Variants in ANAPC1 observed in about 807,000 individuals in gnomAD.
The protein encoded by ANAPC1 is anaphase promoting complex subunit 1, also known as anaphase-promoting complex subunit 1.
Under a neutral mutation model 208.0 loss-of-function variants are expected in ANAPC1, and 36 were observed. The observed-to-expected ratio is 0.17, with a 90% confidence interval of 0.13 to 0.23. The LOEUF is 0.23. Ranked by LOEUF, ANAPC1 falls within the 10% of genes least tolerant of loss-of-function variation. The pLI is 1.00. For missense variants in ANAPC1, 942 were observed against 2,011.6 expected, an observed-to-expected ratio of 0.47 and a Z score of 10.17; for synonymous variants, 378 against 695.2, an observed-to-expected ratio of 0.54 and a Z score of 7.18.
At chr2:111,842,369 C>T (rs900023825) in intron 17 of ANAPC1, among the ~76,000 whole-genome samples, 5 of 152,034 alleles carry the variant, frequency 3.3e-5, no homozygotes, top group African/African-American at 9.7e-5. Flanking sequence ...GCTGGCCAGG[C>T]GCAGTGGCTC....
intron 27 of ANAPC1, among the ~76,000 whole-genome samples, chr2:111,818,499 T>C (rs1456463309): frequency 1.3e-5 from 2 of 150,422 alleles, no homozygotes; most frequent in Non-Finnish European, 3.0e-5. Flanking sequence ...ACGTAAGACA[T>C]TTTAAAACTA....
At position 111,769,498 on chromosome 2, in the gene ANAPC1, TA is replaced by T. The variant is rs1460931311; in HGVS notation, c.5720-93del. ...GAAGCTTCAGAAACACAATCATGTT[TA>T]AAACAGGCATTTTTCCCTTTGAAAA... On this transcript the variant is annotated intron_variant, in intron 47 of 47. Transcript: ENST00000341068. 4 of 611,464 alleles carry T rather than the reference TA, an allele frequency of 6.5e-6. No homozygotes were observed. In the African/African-American group the frequency reaches 7.5e-5, roughly 11 times the overall value. 37.9% of individuals were successfully genotyped at this position (611,464 alleles called of 1,614,324 possible).
At chr2:111,859,187 A>G (rs1681914029) in intron 10 of ANAPC1, among the ~76,000 whole-genome samples, 1 of 152,196 alleles carries the variant, frequency 6.6e-6, no homozygotes, top group South Asian at 2.1e-4. Flanking sequence ...CCTTCCTTCT[A>G]AAGTGCTACA....
At chr2:111,801,114 T>C (rs1277022263) in intron 33 of ANAPC1, among the ~76,000 whole-genome samples, 1 of 152,100 alleles carries the variant, frequency 6.6e-6, no homozygotes, top group Non-Finnish European at 1.5e-5. Flanking sequence ...CCCAGCACTT[T>C]GGGAGACCAA....
At chr2:111,873,970 T>C (rs780143655) in intron 3 of ANAPC1, among the ~76,000 whole-genome samples, 28 of 151,408 alleles carry the variant, frequency 1.8e-4, no homozygotes, top group Non-Finnish European at 2.6e-4. Flanking sequence ...ATCTACCAGA[T>C]AGAAACTTTG....
intron 43 of ANAPC1, among the ~76,000 whole-genome samples, chr2:111,782,051 C>G (rs1420515603): frequency 2.0e-5 from 3 of 152,034 alleles, no homozygotes; most frequent in Admixed American, 2.0e-4. Context: ...AAATCTTCAC[C>G]GATTTGAAGA....
intron 39 of ANAPC1, among the ~76,000 whole-genome samples, chr2:111,787,811 G>A (rs1050566212): frequency 3.7e-5 from 5 of 136,136 alleles, no homozygotes; most frequent in East Asian, 2.1e-4. Flanking sequence ...ACAATTTATC[G>A]GCATCTATGT....
Position 111,818,921 on chromosome 2 carries a change from C to T in ANAPC1, c.3244G>A (p.Val1082Ile). The T allele has an allele frequency of 6.2e-7, 1 of 1,605,298 alleles. No homozygotes were observed. Among genetic ancestry groups the T allele is most frequent in the Non-Finnish European group, 8.5e-7 (1 of 1,174,790 alleles). ...QLCQRTMALP[V>I]GRGMFTLFSY... ...AACAAGGTAAACATTCCTCGTCCTA[C>T]AGGAAGAGCCATAGTTCGCTGACAC... is the stretch of plus-strand genomic sequence containing the variant. The change falls in exon 27 of 48, where the codon GTA (valine) becomes ATA (isoleucine). Residue 1082 changes from valine (V) to isoleucine (I), a missense_variant. Val to Ile is a conservative substitution (Grantham distance 29). Coordinates refer to ENST00000341068, the MANE Select transcript of ANAPC1 (RefSeq NM_022662.4).
At chr2:111,817,431 T>C (rs1445495476) in intron 27 of ANAPC1, among the ~76,000 whole-genome samples, 1 of 152,088 alleles carries the variant, frequency 6.6e-6, no homozygotes, top group African/African-American at 2.4e-5. Flanking sequence ...AAAATGAACA[T>C]CTATATACCA....
At chr2:111,872,412 T>C (rs1413111632) in intron 6 of ANAPC1, among the ~76,000 whole-genome samples, 1 of 152,208 alleles carries the variant, frequency 6.6e-6, no homozygotes, top group African/African-American at 2.4e-5. Context: ...AGCATTTCCT[T>C]TGAGTGTCAT....
chr2:111,789,864 A>G (rs1266168338), intron 38 of ANAPC1, among the ~76,000 whole-genome samples: 24 of 152,268 alleles, frequency 1.6e-4, no homozygotes, highest in African/African-American at 5.8e-4. Context: ...GATGGGATTA[A>G]GAGACACGGA....
At chr2:111,770,025 T>C (rs893308369) in intron 47 of ANAPC1, among the ~76,000 whole-genome samples, 14 of 150,130 alleles carry the variant, frequency 9.3e-5, no homozygotes, top group African/African-American at 3.4e-4. Context: ...TCCAAAATGC[T>C]GTAATGAACA....
chr2:111,850,788 T>G lies in ANAPC1; in HGVS notation c.1638A>C (p.Gly546=). Reference sequence around the variant, plus strand: ...GTCCTTTTCTTACCTCGTCCAATGATCCAAGGAGTTTACTAAGAGGCTTTG... The same window carrying G: ...GTCCTTTTCTTACCTCGTCCAATGAGCCAAGGAGTTTACTAAGAGGCTTTG... ...STPKPLSKLL[G]SLDEVVLLSP... The change falls in exon 14 of 48, where the codon GGA becomes GGC. Residue 546 remains glycine, a synonymous_variant. Transcript: ENST00000341068. 1 of 1,611,930 alleles carries G rather than the reference T, an allele frequency of 6.2e-7. No homozygotes were observed. Among genetic ancestry groups the G allele is most frequent in the Non-Finnish European group, 8.5e-7 (1 of 1,179,864 alleles).
intron 18 of ANAPC1, among the ~76,000 whole-genome samples, chr2:111,837,824 C>G (rs1309646385): frequency 6.6e-6 from 1 of 152,080 alleles, no homozygotes; most frequent in African/African-American, 2.4e-5. Flanking sequence ...TGGCTCATGC[C>G]TGTAATCCCA....
chr2:111,836,398 T>C (rs111785679), intron 18 of ANAPC1, among the ~76,000 whole-genome samples: 43 of 151,412 alleles, frequency 2.8e-4, no homozygotes, highest in Non-Finnish European at 4.7e-4. Context: ...CGCAGCACTT[T>C]GAGAGATAGG....
intron 17 of ANAPC1, among the ~76,000 whole-genome samples, chr2:111,842,523 G>T (rs1452068072): frequency 6.6e-6 from 1 of 151,846 alleles, no homozygotes; most frequent in Non-Finnish European, 1.5e-5. Flanking sequence ...GGCGCCTGTA[G>T]TCCTGGCTAC....
rs908553180 is a variant in ANAPC1 at position 111,832,937 on chromosome 2, C to CAAAAAAA, written c.2476+276_2476+282dup. Among the ~76,000 whole-genome samples, 89 of 53,614 alleles carry CAAAAAAA rather than the reference C, an allele frequency of 1.7e-3. 8 individuals are homozygous for CAAAAAAA. Among genetic ancestry groups the CAAAAAAA allele is most frequent in the South Asian group, 0.015 (12 of 816 alleles). 35.2% of individuals were successfully genotyped at this position (53,614 alleles called of 152,430 possible). ...TGGGTGACAGAGCGAGACTCAGTCT[C>CAAAAAAA]AAAAAAAAAAAAAAAAAAAGCATCC... On this transcript the variant is annotated intron_variant, in intron 20 of 47. Transcript: ENST00000341068.
At chr2:111,853,264 T>C (rs1423944350) in intron 13 of ANAPC1, among the ~76,000 whole-genome samples, 1 of 152,204 alleles carries the variant, frequency 6.6e-6, no homozygotes, top group South Asian at 2.1e-4. Flanking sequence ...CCAACATATA[T>C]AGTTGGGCTG....
At chr2:111,874,289 C>A (rs1051962964) in intron 3 of ANAPC1, among the ~76,000 whole-genome samples, 2 of 152,054 alleles carry the variant, frequency 1.3e-5, no homozygotes, top group African/African-American at 4.8e-5. Flanking sequence ...AACATTTTAA[C>A]AATTTTTAAG....
Sources: gnomAD v4.1 joint callset for allele counts (sites outside exome capture counted in the v4.1 genomes callset) on GRCh38, gnomAD v4.1.1 for gene constraint, MANE v1.5 for transcripts, NCBI Gene and HGNC (gene_info 2026-07-23, HGNC 2026-07-21) for gene names.